The following C19orf12 variants were observed in gnomAD, a reference collection of about 807,000 sequenced individuals.
C19orf12 encodes chromosome 19 open reading frame 12, also known as protein C19orf12.
C19orf12 carries 2 observed loss-of-function variants against 3.8 expected under a neutral mutation model. The observed-to-expected ratio is 0.53, with a 90% confidence interval of 0.22 to 1.66. C19orf12 has a LOEUF of 1.66. Among genes scored for constraint, C19orf12 ranks in the 40% most tolerant of loss-of-function variants. C19orf12 has a pLI of 0.20. For missense variants in C19orf12, 156 were observed against 188.8 expected (o/e 0.83, Z 1.02); for synonymous variants, 89 against 84.6 (o/e 1.05, Z -0.28).
In C19orf12 at chr19:29,713,955, TTTCC is replaced by T. The variant is rs66515158; in HGVS notation, c.-11+1166_-11+1169del. On this transcript the variant is annotated intron_variant, in intron 1 of 2. Coordinates refer to ENST00000323670, the MANE Select transcript of C19orf12 (RefSeq NM_031448.6). ...GTATCCCTCTTTCTTTTTTTCTTTCTTTCCTTCCTTCCTTCCTTCCTTTTCTCTT... is the reference window on the plus strand; with the variant it reads ...GTATCCCTCTTTCTTTTTTTCTTTCTTTCCTTCCTTCCTTCCTTTTCTCTT... Among the ~76,000 whole-genome samples the T allele has an allele frequency of 2.9e-3, 434 of 151,180 alleles. 2 individuals carry two copies. Among genetic ancestry groups the T allele is most frequent in the African/African-American group, 8.2e-3 (335 of 41,036 alleles).
chr19:29,701,537 G>C lies in C19orf12; in HGVS notation c.*1175C>G, dbSNP rs1972083775. ...TTTCAAATATTTCCTATCCAAGGCT[G>C]GTTGGATCTAAATGTGGAGACCACA... is the stretch of plus-strand genomic sequence containing the variant. On this transcript the variant is annotated 3_prime_UTR_variant, in exon 3 of 3. Transcript: ENST00000323670. The C allele has an allele frequency of 2.2e-6, 1 of 453,980 alleles. No individual in the cohort carries two copies. The highest frequency in any genetic ancestry group is 4.4e-6 in the Non-Finnish European group (1 of 226,814). The allele number at this position is 453,980 out of a possible 1,614,324, so 28.1% of individuals were successfully genotyped here. A position where few individuals can be genotyped will look rare whatever the true frequency, so the allele number is the denominator to read the frequency against.
intron 2 of C19orf12, chr19:29,705,287 C>A: frequency 2.3e-6 from 1 of 440,886 alleles, no homozygotes; most frequent in Non-Finnish European, 4.5e-6. Context: ...CCCAGTACTC[C>A]TCAAAACTAT....
At position 29,701,292 on chromosome 19, in the gene C19orf12, C is replaced by T. The variant is rs1972068658; in HGVS notation, c.*1420G>A. ...GTTCCAGGACTGCAACCTCAACCCT[C>T]AGACACCGACATCTGAGGATGCTCA... On this transcript the variant is annotated 3_prime_UTR_variant, in exon 3 of 3. Transcript: ENST00000323670. The T allele has an allele frequency of 2.2e-6, 1 of 454,014 alleles. No homozygotes were observed. Among genetic ancestry groups the T allele is most frequent in the Non-Finnish European group, 4.4e-6 (1 of 226,802 alleles). 28.1% of individuals were successfully genotyped at this position (454,014 alleles called of 1,614,324 possible).
rs540953165 is a variant in C19orf12, at chr19:29,702,342, G to A, written c.*370C>T. 2.9e-5 allele frequency: 14 copies of A among 483,810 alleles called. No homozygotes were observed. Among genetic ancestry groups the A allele is most frequent in the African/African-American group, 1.2e-4 (6 of 51,456 alleles). 30.0% of individuals were successfully genotyped at this position (483,810 alleles called of 1,614,324 possible). ...TCATCTCCCAAGATGAGAAGGCCCC[G>A]GGGGGAGGATGAAGTGTGGTCAGAC... is the stretch of plus-strand genomic sequence containing the variant. On this transcript the variant is annotated 3_prime_UTR_variant, in exon 3 of 3. Transcript: ENST00000323670.
chr19:29,709,596 C>T (rs998506353), intron 1 of C19orf12, among the ~76,000 whole-genome samples: 33 of 148,144 alleles, frequency 2.2e-4, no homozygotes, highest in African/African-American at 8.2e-4. Context: ...GTGGCATGAT[C>T]ACAACTCACT....
upstream of C19orf12, chr19:29,715,277 C>G (rs1375954529): frequency 2.5e-6 from 1 of 404,056 alleles, no homozygotes; most frequent in Non-Finnish European, 4.8e-6. Flanking sequence ...CGCCCTCCGT[C>G]CCACCTTCCG....
chr19:29,710,051 A>G (rs1167150025), intron 1 of C19orf12, among the ~76,000 whole-genome samples: 1 of 151,342 alleles, frequency 6.6e-6, no homozygotes, highest in Non-Finnish European at 1.5e-5. Flanking sequence ...TTTTGTTTTC[A>G]TAGAGACAGG....
chr19:29,705,839 A>G (rs1290800428), intron 2 of C19orf12, among the ~76,000 whole-genome samples: 1 of 152,180 alleles, frequency 6.6e-6, no homozygotes, highest in Non-Finnish European at 1.5e-5. Context: ...TTTGACAAGC[A>G]TACAGTAATA....
intron 1 of C19orf12, among the ~76,000 whole-genome samples, chr19:29,709,935 G>A (rs540042061): frequency 5.9e-5 from 9 of 152,076 alleles, no homozygotes; most frequent in Admixed American, 3.3e-4. Flanking sequence ...GCAGTGGTGC[G>A]ATCATGGCTG....
chr19:29,711,801 G>C (rs1469087211), intron 1 of C19orf12, among the ~76,000 whole-genome samples: 2 of 152,126 alleles, frequency 1.3e-5, no homozygotes, highest in Non-Finnish European at 2.9e-5. Flanking sequence ...CTTCCGACCT[G>C]CTCCGAATGA....
chr19:29,708,432 GAGA>G lies in C19orf12; in HGVS notation c.-10-12_-10-10del, dbSNP rs756568435. 1 of 1,612,900 alleles carries G rather than the reference GAGA, an allele frequency of 6.2e-7. No homozygotes were observed. Among genetic ancestry groups the G allele is most frequent in the Admixed American group, 1.7e-5 (1 of 60,028 alleles). Reference sequence around the variant, plus strand: ...TAGTCATCGTGGCGGGCCTTCGAGGGAGAAGTTCAGAGGGACAGTTTCAATGAG... The same window carrying G: ...TAGTCATCGTGGCGGGCCTTCGAGGGAGTTCAGAGGGACAGTTTCAATGAG... On this transcript the variant is annotated splice_polypyrimidine_tract_variant and intron_variant, in intron 1 of 2. Transcript: ENST00000323670.
chr19:29,700,429 A>G lies in C19orf12; in HGVS notation c.*2283T>C, dbSNP rs1318577061. The G allele has an allele frequency of 2.2e-6, 1 of 454,148 alleles. No homozygotes were observed. Among genetic ancestry groups the G allele is most frequent in the South Asian group, 1.6e-5 (1 of 64,480 alleles). The allele number at this position is 454,148 out of a possible 1,614,324, so 28.1% of individuals were successfully genotyped here. A position where few individuals can be genotyped will look rare whatever the true frequency, so the allele number is the denominator to read the frequency against. On this transcript the variant is annotated 3_prime_UTR_variant, in exon 3 of 3. Transcript: ENST00000323670. ...TTTTTCCTTCACACTAAAAACGGGC[A>G]ACTTTAGAGCCCACTAAAGCTATAC... is the stretch of plus-strand genomic sequence containing the variant.
At chr19:29,715,329 C>G (rs1040655848), upstream of C19orf12, 17 of 390,770 alleles carry the variant, frequency 4.4e-5, no homozygotes, top group Admixed American at 1.5e-4. Context: ...CGGGCCAGCT[C>G]CTGGCTCCGA....
At position 29,699,014 on chromosome 19, in the gene C19orf12, T is replaced by C. The variant is rs1027329773; in HGVS notation, c.*3698A>G. On this transcript the variant is annotated 3_prime_UTR_variant, in exon 3 of 3. Transcript: ENST00000323670. ...CATTACAGTAGTAAAAATCCACAAA[T>C]GGAATTCACACCAGGCACATGGTTA... 1.5e-5 allele frequency: 7 copies of C among 453,666 alleles called. No individual in the cohort carries two copies. The highest frequency in any genetic ancestry group is 2.6e-5 in the Non-Finnish European group (6 of 226,758). 28.1% of individuals were successfully genotyped at this position (453,666 alleles called of 1,614,324 possible). A position where few individuals can be genotyped will look rare whatever the true frequency, so the allele number is the denominator to read the frequency against.
chr19:29,713,970 CCT>C (rs1491328015), intron 1 of C19orf12, among the ~76,000 whole-genome samples: 2 of 120,002 alleles, frequency 1.7e-5, no homozygotes, highest in East Asian at 5.7e-4. Flanking sequence ...TTCCTTCCTT[CCT>C]TCCTTTTCTC....
At position 29,700,106 on chromosome 19, in the gene C19orf12, G is replaced by A. The variant is rs1473835713; in HGVS notation, c.*2606C>T. 2.2e-6 allele frequency: 1 copy of A among 454,086 alleles called. No homozygotes were observed. Among genetic ancestry groups the A allele is most frequent in the South Asian group, 1.6e-5 (1 of 64,474 alleles). The allele number at this position is 454,086 out of a possible 1,614,324, so 28.1% of individuals were successfully genotyped here. A position where few individuals can be genotyped will look rare whatever the true frequency, so the allele number is the denominator to read the frequency against. ...TCCTCCCTGGGCATTTTTCCCTGCAGTAGGGGTGGGCAGGCTGTGGGAGGG... is the reference window on the plus strand; with the variant it reads ...TCCTCCCTGGGCATTTTTCCCTGCAATAGGGGTGGGCAGGCTGTGGGAGGG... On this transcript the variant is annotated 3_prime_UTR_variant, in exon 3 of 3. Transcript: ENST00000323670.
At chr19:29,712,662 G>C (rs1325118476) in intron 1 of C19orf12, among the ~76,000 whole-genome samples, 2 of 152,120 alleles carry the variant, frequency 1.3e-5, no homozygotes, top group Non-Finnish European at 2.9e-5. Context: ...CCTCCCACCA[G>C]CTTTTCTATA....
At position 29,700,529 on chromosome 19, in the gene C19orf12, G is replaced by A. The variant is rs1254949383; in HGVS notation, c.*2183C>T. ...CGTATGCAGGACTTATTTGCAGGAAGAGCAGGAATGATCAGTTCAACAAGA... is the reference window on the plus strand; with the variant it reads ...CGTATGCAGGACTTATTTGCAGGAAAAGCAGGAATGATCAGTTCAACAAGA... On this transcript the variant is annotated 3_prime_UTR_variant, in exon 3 of 3. Coordinates refer to ENST00000323670, the MANE Select transcript of C19orf12 (RefSeq NM_031448.6). 2 of 454,122 alleles carry A rather than the reference G, an allele frequency of 4.4e-6. No individual in the cohort carries two copies. The highest frequency in any genetic ancestry group is 8.8e-6 in the Non-Finnish European group (2 of 226,782). 28.1% of individuals were successfully genotyped at this position (454,122 alleles called of 1,614,324 possible). A position where few individuals can be genotyped will look rare whatever the true frequency, so the allele number is the denominator to read the frequency against.
Position 29,702,658 on chromosome 19 carries a change from C to T in C19orf12, c.*54G>A, listed in dbSNP as rs755184989. 1 of 1,611,112 alleles carries T rather than the reference C, an allele frequency of 6.2e-7. No homozygotes were observed. The highest frequency in any genetic ancestry group is 2.2e-5 in the East Asian group (1 of 44,880). On this transcript the variant is annotated 3_prime_UTR_variant, in exon 3 of 3. Coordinates refer to ENST00000323670, the MANE Select transcript of C19orf12 (RefSeq NM_031448.6). ...GCTTCTCCCAACTCCCAAGCCACCT[C>T]TTCAGAATCACAGAGTCATTTAAAG... is the stretch of plus-strand genomic sequence containing the variant.
Sources: allele counts gnomAD v4.1 joint callset (sites outside exome capture counted in the v4.1 genomes callset), GRCh38; gene constraint gnomAD v4.1.1; transcripts MANE v1.5; gene names NCBI Gene and HGNC (gene_info 2026-07-23, HGNC 2026-07-21).